Variants in KIF26B observed in about 807,000 individuals in gnomAD.
KIF26B encodes the protein kinesin family member 26B.
In KIF26B, 63 loss-of-function variants were observed where a neutral mutation model predicts 151.2. The ratio of observed to expected loss-of-function variants is 0.42; its 90% CI spans 0.34 to 0.51. The LOEUF (loss-of-function observed/expected upper bound fraction) is 0.51, where lower values mean the gene tolerates loss of function less well. Ranked by LOEUF, KIF26B falls within the 20% of genes least tolerant of loss-of-function variation. The pLI is 0.07. For synonymous variants in KIF26B, 1,357 were observed against 1,262.1 expected, an observed-to-expected ratio of 1.08 and a Z score of -1.59; for missense variants, 2,813 against 2,913.6, an observed-to-expected ratio of 0.97 and a Z score of 0.79.
At chr1:245,679,614 G>A (rs186439731) in intron 10 of KIF26B, among the ~76,000 whole-genome samples, 200 of 151,610 alleles carry the variant, frequency 1.3e-3, no homozygotes, top group African/African-American at 4.7e-3. Flanking sequence ...GATTATAGGC[G>A]CGCGCCACCA....
intron 9 of KIF26B, among the ~76,000 whole-genome samples, chr1:245,621,402 G>C (rs1406038105): frequency 6.6e-6 from 1 of 152,170 alleles, no homozygotes; most frequent in Non-Finnish European, 1.5e-5. Flanking sequence ...GATATTAGGA[G>C]AATTTAGGAT....
intron 4 of KIF26B, among the ~76,000 whole-genome samples, chr1:245,426,242 A>T (rs1182199631): frequency 2.1e-5 from 3 of 140,236 alleles, no homozygotes; most frequent in Non-Finnish European, 3.1e-5. Context: ...CTGTTTTTCC[A>T]TCTGCTCTTG....
chr1:245,678,209 TCTC>T lies in KIF26B; in HGVS notation c.2259-6020_2259-6018del, dbSNP rs575455280. On this transcript the variant is annotated intron_variant, in intron 10 of 14. Transcript: ENST00000407071. ...CTGTCCCCCTCTGGTGTTGCTTCCT[TCTC>T]CTCTTCACTCTGCAGCCGCCTCTTG... Among the ~76,000 whole-genome samples the T allele has an allele frequency of 2.7e-3, 405 of 151,718 alleles. 4 individuals are homozygous for T. Among genetic ancestry groups the T allele is most frequent in the Non-Finnish European group, 4.3e-3 (293 of 67,914 alleles).
At chr1:245,670,680 T>A (rs1292475234) in intron 10 of KIF26B, among the ~76,000 whole-genome samples, 2 of 152,158 alleles carry the variant, frequency 1.3e-5, no homozygotes, top group Non-Finnish European at 2.9e-5. Flanking sequence ...TATAATGGAA[T>A]ATACGTTTCA....
intron 14 of KIF26B, among the ~76,000 whole-genome samples, chr1:245,699,242 G>A (rs2044736431): frequency 6.6e-6 from 1 of 152,138 alleles, no homozygotes; most frequent in Non-Finnish European, 1.5e-5. Context: ...GAGGGGTGGT[G>A]AATATTGCTC....
At chr1:245,636,850 T>C (rs1232247613) in intron 9 of KIF26B, among the ~76,000 whole-genome samples, 1 of 139,940 alleles carries the variant, frequency 7.1e-6, no homozygotes, top group East Asian at 2.2e-4. Context: ...TATGGCTGAA[T>C]AATATTCCAT....
chr1:245,308,887 C>G (rs1336556566), intron 2 of KIF26B, among the ~76,000 whole-genome samples: 1 of 152,202 alleles, frequency 6.6e-6, no homozygotes, highest in African/African-American at 2.4e-5. Flanking sequence ...AGGCACGAAG[C>G]TCGGGCTGGA....
rs1216577394 is a variant in KIF26B, at chr1:245,609,247, C to T, written c.1652-19C>T. The T allele has an allele frequency of 3.2e-6, 5 of 1,579,176 alleles. No homozygotes were observed. In the East Asian group the frequency reaches 1.1e-4, roughly 36 times the overall value. ...CCTGGACACTGAACCTGCTTTTCTTCCTTCCCTGGTTCTCCCAGGAAAATC... is the reference window on the plus strand; with the variant it reads ...CCTGGACACTGAACCTGCTTTTCTTTCTTCCCTGGTTCTCCCAGGAAAATC... On this transcript the variant is annotated intron_variant, in intron 7 of 14. Coordinates refer to ENST00000407071, the MANE Select transcript of KIF26B (RefSeq NM_018012.4).
intron 2 of KIF26B, among the ~76,000 whole-genome samples, chr1:245,281,210 C>G (rs1382843831): frequency 9.8e-5 from 7 of 71,570 alleles, no homozygotes; most frequent in African/African-American, 5.0e-4. Flanking sequence ...AACTAGTTTA[C>G]AGTCCCACCA....
intron 3 of KIF26B, among the ~76,000 whole-genome samples, chr1:245,399,124 G>T (rs1247712926): frequency 6.6e-6 from 1 of 152,152 alleles, no homozygotes; most frequent in East Asian, 1.9e-4. Context: ...TCCAGTGAGG[G>T]GTCCAGTCTA....
rs143841979 is a variant in KIF26B at position 245,678,679 on chromosome 1, T to C, written c.2259-5554T>C. On this transcript the variant is annotated intron_variant, in intron 10 of 14. Coordinates refer to ENST00000407071, the MANE Select transcript of KIF26B (RefSeq NM_018012.4). ...GAGATTGAGACCATCGTGGCCAACA[T>C]GGTGAAATCCCGTCTCTACTAAAAA... Among the ~76,000 whole-genome samples, 1,429 of 151,858 alleles carry C rather than the reference T, an allele frequency of 9.4e-3. 10 individuals are homozygous for C. The highest frequency in any genetic ancestry group is 0.016 in the East Asian group (81 of 5,138).
chr1:245,478,857 G>A (rs1208868541), intron 4 of KIF26B, among the ~76,000 whole-genome samples: 1 of 151,806 alleles, frequency 6.6e-6, no homozygotes, highest in Non-Finnish European at 1.5e-5. Flanking sequence ...CAGGGTGGGA[G>A]CAGTGAAGGG....
intron 4 of KIF26B, among the ~76,000 whole-genome samples, chr1:245,523,958 A>G (rs1250646589): frequency 2.0e-5 from 3 of 152,258 alleles, no homozygotes; most frequent in Non-Finnish European, 4.4e-5. Context: ...CAGAATAGTC[A>G]CATATAATTT....
chr1:245,246,111 A>AC (rs1670326024), intron 2 of KIF26B, among the ~76,000 whole-genome samples: 3 of 92,982 alleles, frequency 3.2e-5, no homozygotes, highest in African/African-American at 1.2e-4. Flanking sequence ...AAAAAAAAAA[A>AC]AAAAGAAAGG....
In KIF26B at chr1:245,156,497, C is replaced by T; in HGVS notation, c.279C>T (p.Gly93=). 3 of 1,527,826 alleles carry T rather than the reference C, an allele frequency of 2.0e-6. No homozygotes were observed. The South Asian group carries it at 3.6e-5, about 18-fold the overall frequency. The allele number at this position is 1,527,826 out of a possible 1,614,324, so 94.6% of individuals were successfully genotyped here. A position where few individuals can be genotyped will look rare whatever the true frequency, so the allele number is the denominator to read the frequency against. ...CGGGACCCGCCTCCCCCGGCATCGGCACTAGTTCGCCGGGCTCCTTGGGCG... is the reference window on the plus strand; with the variant it reads ...CGGGACCCGCCTCCCCCGGCATCGGTACTAGTTCGCCGGGCTCCTTGGGCG... ...GSPGPASPGI[G]TSSPGSLGGS... The change falls in exon 2 of 15, where the codon GGC becomes GGT. Residue 93 remains glycine (G), a synonymous_variant. Transcript: ENST00000407071.
chr1:245,223,580 G>A (rs1398438144), intron 2 of KIF26B, among the ~76,000 whole-genome samples: 3 of 152,192 alleles, frequency 2.0e-5, no homozygotes, highest in Admixed American at 6.5e-5. Flanking sequence ...AGTTAGAACA[G>A]TGGTTCTCAT....
intron 2 of KIF26B, among the ~76,000 whole-genome samples, chr1:245,249,696 T>A (rs1670407533): frequency 6.6e-6 from 1 of 152,118 alleles, no homozygotes; most frequent in Non-Finnish European, 1.5e-5. Flanking sequence ...GTGGCCAGGC[T>A]GGTCTGGAAC....
At chr1:245,339,888 C>T (rs1260424466) in intron 2 of KIF26B, among the ~76,000 whole-genome samples, 1 of 152,180 alleles carries the variant, frequency 6.6e-6, no homozygotes, top group Non-Finnish European at 1.5e-5. Flanking sequence ...ATATACATAT[C>T]AAATTGCTCT....
chr1:245,356,775 A>C (rs1357131002), intron 2 of KIF26B, among the ~76,000 whole-genome samples: 1 of 152,116 alleles, frequency 6.6e-6, no homozygotes. Flanking sequence ...TTGCAGGGGG[A>C]GACAGACAAT....
Sources: gnomAD v4.1 joint callset for allele counts (sites outside exome capture counted in the v4.1 genomes callset) on GRCh38, gnomAD v4.1.1 for gene constraint, MANE v1.5 for transcripts, NCBI Gene and HGNC (gene_info 2026-07-23, HGNC 2026-07-21) for gene names.